The following PATJ variants were observed in gnomAD, a reference collection of about 807,000 sequenced individuals.
The protein encoded by PATJ is inaD-like protein.
PATJ carries 190 observed loss-of-function variants against 224.9 expected under a neutral mutation model. The ratio of observed to expected loss-of-function variants is 0.84; its 90% confidence interval spans 0.75 to 0.95. The LOEUF (loss-of-function observed/expected upper bound fraction) is 0.95, where lower values mean the gene tolerates loss of function less well. Among genes scored for constraint, PATJ ranks in the 40% least tolerant of loss-of-function variants. PATJ has a pLI of 0.00. For synonymous variants in PATJ, 769 were observed against 820.3 expected (o/e 0.94, Z 1.07); for missense variants, 2,121 against 2,270.3 (o/e 0.93, Z 1.34).
chr1:61,776,728 CT>C (rs34101329), intron 7 of PATJ, among the ~76,000 whole-genome samples: 26,108 of 142,132 alleles, frequency 0.18, 2,596 homozygotes, highest in Non-Finnish European at 0.24. Context: ...GATTAATCTA[CT>C]TTTTTTTTTT....
At chr1:62,081,407 A>T (rs1659262371) in intron 32 of PATJ, among the ~76,000 whole-genome samples, 6 of 152,196 alleles carry the variant, frequency 3.9e-5, no homozygotes, top group Admixed American at 2.6e-4. Flanking sequence ...CCATGAGAGA[A>T]GTAAATAAAA....
chr1:61,907,415 T>A (rs979399122), intron 24 of PATJ, among the ~76,000 whole-genome samples: 6 of 152,224 alleles, frequency 3.9e-5, no homozygotes, highest in African/African-American at 1.2e-4. Context: ...GCAAAGGAAC[T>A]ACATTTGTGC....
At position 61,926,938 on chromosome 1, in the gene PATJ, G is replaced by A. The variant is rs148365751; in HGVS notation, c.3571-792G>A. Among the ~76,000 whole-genome samples, 13 of 152,224 alleles carry A rather than the reference G, an allele frequency of 8.5e-5. 1 individual carries two copies. The East Asian group carries it at 2.5e-3, about 29-fold the overall frequency. ...TAATCCAGTTATTTTGTTTTTTCTG[G>A]AGTGCTTGGGTATATCGGCTCCTAT... On this transcript the variant is annotated intron_variant, in intron 26 of 43. Transcript: ENST00000642238.
intron 19 of PATJ, among the ~76,000 whole-genome samples, chr1:61,863,459 A>C (rs1432215887): frequency 6.6e-6 from 1 of 152,140 alleles, no homozygotes; most frequent in Non-Finnish European, 1.5e-5. Flanking sequence ...TTAAAATAGG[A>C]AAGATCTTTG....
chr1:61,981,302 G>A (rs543980653), intron 27 of PATJ, among the ~76,000 whole-genome samples: 1 of 152,090 alleles, frequency 6.6e-6, no homozygotes, highest in East Asian at 1.9e-4. Flanking sequence ...TTGTTACAAA[G>A]ATTCCTAAAC....
At chr1:61,963,131 A>G (rs369823286) in intron 27 of PATJ, among the ~76,000 whole-genome samples, 34 of 152,282 alleles carry the variant, frequency 2.2e-4, no homozygotes, top group East Asian at 2.1e-3. Flanking sequence ...ACAAATTAGC[A>G]GGATTTCCAC....
At chr1:61,978,246 T>G (rs1571615914) in intron 27 of PATJ, among the ~76,000 whole-genome samples, 1 of 111,718 alleles carries the variant, frequency 9.0e-6, no homozygotes, top group Non-Finnish European at 1.8e-5. Context: ...CCTCCCTCCC[T>G]CCTTCCTTCC....
intron 19 of PATJ, 126 bp downstream of exon 19, chr1:61,861,793 G>C: frequency 1.9e-6 from 1 of 519,568 alleles, no homozygotes; most frequent in Non-Finnish European, 3.5e-6. Context: ...AATAAATAAA[G>C]ACATAAAGAA....
At chr1:61,850,148 G>A (rs1363083906) in intron 17 of PATJ, among the ~76,000 whole-genome samples, 2 of 152,080 alleles carry the variant, frequency 1.3e-5, no homozygotes, top group African/African-American at 4.8e-5. Flanking sequence ...CCACATCTTC[G>A]AGTTGATGTC....
chr1:61,959,274 G>A (rs1328428155), intron 27 of PATJ, among the ~76,000 whole-genome samples: 1 of 151,646 alleles, frequency 6.6e-6, no homozygotes, highest in East Asian at 1.9e-4. Context: ...TAATAAATAT[G>A]TATAACATCT....
chr1:62,106,039 T>G (rs1662874114), intron 33 of PATJ, among the ~76,000 whole-genome samples: 1 of 71,020 alleles, frequency 1.4e-5, no homozygotes, highest in Non-Finnish European at 2.5e-5. Flanking sequence ...ATAGTGAGAC[T>G]CCTCTTAAAA....
In PATJ at chr1:61,856,174, G is replaced by A. The variant is rs752116262; in HGVS notation, c.2257G>A (p.Ala753Thr). ...YCLDNTSLAE[A>T]VEILKAVPPG... ...TTTGGACAACACCTCACTTGCTGAAGCTGTGGAAATATTGAAAGCTGTGCC... is the reference window on the plus strand; with the variant it reads ...TTTGGACAACACCTCACTTGCTGAAACTGTGGAAATATTGAAAGCTGTGCC... The change falls in exon 18 of 44, where the codon GCT becomes ACT. Residue 753 changes from alanine (A) to threonine (T), a missense_variant. Transcript: ENST00000642238. 3.8e-5 allele frequency: 61 copies of A among 1,614,076 alleles called. No homozygotes were observed. Among genetic ancestry groups the A allele is most frequent in the Non-Finnish European group, 3.5e-5 (41 of 1,180,024 alleles).
chr1:62,069,580 A>T (rs1319586185), intron 31 of PATJ, among the ~76,000 whole-genome samples: 1 of 152,180 alleles, frequency 6.6e-6, no homozygotes, highest in African/African-American at 2.4e-5. Flanking sequence ...GTCAGACCAG[A>T]TGCTTTTCAG....
chr1:62,005,931 A>G (rs1361775825), intron 28 of PATJ, among the ~76,000 whole-genome samples: 2 of 152,198 alleles, frequency 1.3e-5, no homozygotes. Context: ...ATAATATATT[A>G]TGACGTGATA....
At chr1:61,860,655 GTC>G (rs1309927916) in intron 18 of PATJ, among the ~76,000 whole-genome samples, 1 of 151,942 alleles carries the variant, frequency 6.6e-6, no homozygotes, top group South Asian at 2.1e-4. Flanking sequence ...GCGAAACCTC[GTC>G]TCTACTAAAA....
chr1:61,782,470 G>A (rs1263621061), intron 7 of PATJ, among the ~76,000 whole-genome samples: 1 of 152,104 alleles, frequency 6.6e-6, no homozygotes, highest in Non-Finnish European at 1.5e-5. Context: ...TTGAACTTGG[G>A]TGCATCTGAC....
intron 27 of PATJ, among the ~76,000 whole-genome samples, chr1:61,960,695 G>A (rs983118544): frequency 2.6e-5 from 4 of 151,304 alleles, no homozygotes; most frequent in African/African-American, 4.9e-5. Flanking sequence ...ACCTTTGAAC[G>A]AAGTACAATT....
chr1:62,144,128 A>C (rs10789103), intron 41 of PATJ, among the ~76,000 whole-genome samples: 26,723 of 152,002 alleles, frequency 0.18, 3,740 homozygotes, highest in East Asian at 0.68. Context: ...TCCTCCTTTA[A>C]TCTTTCGTCC....
chr1:61,931,806 C>T lies in PATJ; in HGVS notation c.3670+3977C>T, dbSNP rs538668794. Among the ~76,000 whole-genome samples the T allele has an allele frequency of 1.3e-4, 20 of 152,292 alleles. 2 individuals carry two copies. In the South Asian group the frequency reaches 4.1e-3, roughly 32 times the overall value. On this transcript the variant is annotated intron_variant, in intron 27 of 43. Coordinates refer to ENST00000642238, the MANE Select transcript of PATJ (RefSeq NM_001350145.3). Reference sequence around the variant, plus strand: ...GAAGAAGGAACCACACTGCAAAGATCTGGCTCATGTAGTCATCATATAGAT... The same window carrying T: ...GAAGAAGGAACCACACTGCAAAGATTTGGCTCATGTAGTCATCATATAGAT...
Sources: allele counts gnomAD v4.1 joint callset (sites outside exome capture counted in the v4.1 genomes callset), GRCh38; gene constraint gnomAD v4.1.1; transcripts MANE v1.5; gene names NCBI Gene and HGNC (gene_info 2026-07-23, HGNC 2026-07-21).